Variants in TWSG1 observed in about 807,000 individuals in gnomAD.
TWSG1 encodes twisted gastrulation BMP signaling modulator 1, also known as twisted gastrulation protein homolog 1.
TWSG1 carries 15 observed loss-of-function variants against 23.0 expected under a neutral mutation model. The observed-to-expected ratio is 0.65, with a 90% confidence interval of 0.44 to 1.00. TWSG1 has a LOEUF of 1.00. TWSG1 is among the 50% of genes least tolerant of loss of function. The pLI is 0.00. For synonymous variants in TWSG1, 86 were observed against 92.8 expected (o/e 0.93, Z 0.42); for missense variants, 242 against 278.7 (o/e 0.87, Z 0.94).
In TWSG1 at chr18:9,400,576, T is replaced by C. The variant is rs1369388494; in HGVS notation, c.*1049T>C. 1 of 152,208 alleles carries C rather than the reference T, an allele frequency of 6.6e-6. No homozygotes were observed. The allele number at this position is 152,208 out of a possible 1,614,324, so 9.4% of individuals were successfully genotyped here. A position where few individuals can be genotyped will look rare whatever the true frequency, so the allele number is the denominator to read the frequency against. On this transcript the variant is annotated 3_prime_UTR_variant, in exon 5 of 5. Transcript: ENST00000262120. ...GACAGGGTGAAAATGCTGGGAATTA[T>C]TATGGGAAACAAAACTATCTATGTT... is the stretch of plus-strand genomic sequence containing the variant.
In TWSG1 at chr18:9,396,486, C is replaced by T; in HGVS notation, c.430C>T (p.His144Tyr). ...ATTTTTAGAAACTGTGAACCAGCCA[C>T]ACCACCAGAATGTGTCTGTCCCCAG... is the stretch of plus-strand genomic sequence containing the variant. ...VSFLETVNQP[H>Y]HQNVSVPSNN... The change falls in exon 4 of 5, where the codon CAC (histidine) becomes TAC (tyrosine). Residue 144 changes from histidine (H) to tyrosine (Y), a missense_variant. Coordinates refer to ENST00000262120, the MANE Select transcript of TWSG1 (RefSeq NM_020648.6). 1 of 1,614,158 alleles carries T rather than the reference C, an allele frequency of 6.2e-7. No homozygotes were observed. The highest frequency in any genetic ancestry group is 8.5e-7 in the Non-Finnish European group (1 of 1,180,048).
intron 3 of TWSG1, among the ~76,000 whole-genome samples, chr18:9,363,205 T>C (rs1414489501): frequency 1.3e-5 from 2 of 152,212 alleles, no homozygotes; most frequent in African/African-American, 4.8e-5. Flanking sequence ...AGAGCTTCTC[T>C]TTTCTGATTT....
intron 2 of TWSG1, among the ~76,000 whole-genome samples, chr18:9,344,752 T>G (rs888590992): frequency 1.3e-5 from 2 of 151,910 alleles, no homozygotes; most frequent in African/African-American, 4.8e-5. Context: ...TTTTTGTGTG[T>G]GTGTGTTTGT....
intron 2 of TWSG1, among the ~76,000 whole-genome samples, chr18:9,347,102 A>C (rs1425694900): frequency 6.6e-6 from 1 of 152,122 alleles, no homozygotes; most frequent in African/African-American, 2.4e-5. Context: ...TCTTATACTT[A>C]TTTGCCATTT....
At chr18:9,370,819 A>C (rs1283694803) in intron 3 of TWSG1, among the ~76,000 whole-genome samples, 1 of 152,182 alleles carries the variant, frequency 6.6e-6, no homozygotes, top group African/African-American at 2.4e-5. Context: ...CTTTGAGCCC[A>C]TCAAAACTTG....
chr18:9,363,066 C>G (rs1394105041), intron 3 of TWSG1, among the ~76,000 whole-genome samples: 1 of 152,186 alleles, frequency 6.6e-6, no homozygotes, highest in South Asian at 2.1e-4. Context: ...AGTCCCCATA[C>G]TTTTCATGGG....
At chr18:9,342,584 A>G (rs186410772) in intron 2 of TWSG1, among the ~76,000 whole-genome samples, 25 of 152,278 alleles carry the variant, frequency 1.6e-4, no homozygotes, top group Admixed American at 1.0e-3. Flanking sequence ...TGTATCATCA[A>G]TCATTAGCAC....
chr18:9,337,487 C>G, intron 2 of TWSG1, 135 bp downstream of exon 2: 2 of 900,590 alleles, frequency 2.2e-6, no homozygotes, highest in Middle Eastern at 3.6e-4. Flanking sequence ...GGTACTGAAT[C>G]ATGACACACA....
At chr18:9,345,249 A>G (rs1443309259) in intron 2 of TWSG1, among the ~76,000 whole-genome samples, 7 of 152,206 alleles carry the variant, frequency 4.6e-5, no homozygotes, top group East Asian at 1.9e-4. Context: ...ATGACATCCA[A>G]TGTTTCTGTT....
intron 3 of TWSG1, among the ~76,000 whole-genome samples, chr18:9,383,182 CGTTTTTTTTTT>C (rs1568038492): frequency 5.4e-5 from 4 of 74,190 alleles, no homozygotes; most frequent in African/African-American, 2.7e-4. Context: ...CCGAATTACA[CGTTTTTTTTTT>C]GTTTTTTTTT....
intron 2 of TWSG1, among the ~76,000 whole-genome samples, chr18:9,343,295 C>A (rs907236920): frequency 4.7e-5 from 6 of 127,348 alleles, no homozygotes; most frequent in Non-Finnish European, 8.4e-5. Flanking sequence ...ATAATATATA[C>A]GTTTTATATA....
At chr18:9,386,015 A>G (rs1227080777) in intron 3 of TWSG1, among the ~76,000 whole-genome samples, 2 of 151,936 alleles carry the variant, frequency 1.3e-5, no homozygotes, top group African/African-American at 4.8e-5. Flanking sequence ...CTAAAAATAC[A>G]AAAATTAGCT....
chr18:9,367,811 C>G (rs2040586918), intron 3 of TWSG1, among the ~76,000 whole-genome samples: 1 of 152,120 alleles, frequency 6.6e-6, no homozygotes, highest in South Asian at 2.1e-4. Flanking sequence ...GGATTTCCTT[C>G]TTTTTTTAAG....
chr18:9,369,722 G>A (rs1432721621), intron 3 of TWSG1, among the ~76,000 whole-genome samples: 1 of 151,936 alleles, frequency 6.6e-6, no homozygotes, highest in African/African-American at 2.4e-5. Context: ...GTAGCAATGG[G>A]ATCTCTCTAT....
chr18:9,367,775 G>A (rs2040586778), intron 3 of TWSG1, among the ~76,000 whole-genome samples: 1 of 152,172 alleles, frequency 6.6e-6, no homozygotes, highest in Admixed American at 6.5e-5. Flanking sequence ...CAGTCCTGGT[G>A]CCAAAAAGGC....
At chr18:9,362,204 T>G (rs539498491) in intron 3 of TWSG1, among the ~76,000 whole-genome samples, 11 of 152,212 alleles carry the variant, frequency 7.2e-5, no homozygotes, top group Non-Finnish European at 1.5e-4. Flanking sequence ...ATCTCTGATA[T>G]ACACACATAA....
intron 2 of TWSG1, among the ~76,000 whole-genome samples, chr18:9,354,781 C>T (rs1279680863): frequency 6.6e-6 from 1 of 151,924 alleles, no homozygotes; most frequent in Non-Finnish European, 1.5e-5. Flanking sequence ...TAGGAATTTA[C>T]CAAAGGGGGA....
intron 3 of TWSG1, among the ~76,000 whole-genome samples, chr18:9,366,037 G>T (rs6506655): frequency 0.65 from 98,766 of 152,028 alleles, 32,114 homozygotes; most frequent in East Asian, 0.71. Context: ...AATAACTTGT[G>T]CCAATAAATA....
rs2040448318 is a variant in TWSG1 at position 9,341,973 on chromosome 18, G to A, written c.123+4621G>A. On this transcript the variant is annotated intron_variant, in intron 2 of 4. Coordinates refer to ENST00000262120, the MANE Select transcript of TWSG1 (RefSeq NM_020648.6). ...AGCAAAGAAATCAGTTTTTTCCCTT[G>A]CATTTATGAGTACTGCCCTTGAAAT... 1.3e-5 allele frequency among the ~76,000 whole-genome samples: 2 copies of A among 151,944 alleles called. 1 individual carries two copies. The highest frequency in any genetic ancestry group is 4.1e-4 in the South Asian group (2 of 4,820).
Sources: allele counts gnomAD v4.1 joint callset (sites outside exome capture counted in the v4.1 genomes callset), GRCh38; gene constraint gnomAD v4.1.1; transcripts MANE v1.5; gene names NCBI Gene and HGNC (gene_info 2026-07-23, HGNC 2026-07-21).